The following CSNK1G3 variants were observed in gnomAD, a reference collection of about 807,000 sequenced individuals.
CSNK1G3 encodes casein kinase I isoform gamma-3.
Under a neutral mutation model 64.3 loss-of-function variants are expected in CSNK1G3, and 23 were observed. The ratio of observed to expected loss-of-function variants is 0.36; its 90% CI spans 0.26 to 0.51. CSNK1G3 has a LOEUF of 0.51. CSNK1G3 is among the 20% of genes least tolerant of loss of function. The probability of loss-of-function intolerance (pLI) is 0.96; values close to 1 mark genes in which losing one functional copy is unlikely to be tolerated. For synonymous variants in CSNK1G3, 158 were observed against 162.2 expected (o/e 0.97, Z 0.20); for missense variants, 357 against 510.5 (o/e 0.70, Z 2.90).
intron 1 of CSNK1G3, among the ~76,000 whole-genome samples, chr5:123,534,843 A>C (rs1561471114): frequency 1.3e-5 from 2 of 152,108 alleles, no homozygotes; most frequent in Admixed American, 1.3e-4. Flanking sequence ...TAAACCTCTA[A>C]GATTTTAATA....
Position 123,605,475 on chromosome 5 carries a change from G to A in CSNK1G3, c.1217+113G>A, listed in dbSNP as rs1456367149. 6.2e-6 allele frequency: 7 copies of A among 1,133,184 alleles called. No individual in the cohort carries two copies. The East Asian group carries it at 1.4e-4, about 23-fold the overall frequency. The allele number at this position is 1,133,184 out of a possible 1,614,324, so 70.2% of individuals were successfully genotyped here. ...ACTCTCAACACAGTGATTATAATTGGTAAAAGTTATTCAAAAGTATTTGAT... is the reference window on the plus strand; with the variant it reads ...ACTCTCAACACAGTGATTATAATTGATAAAAGTTATTCAAAAGTATTTGAT... On this transcript the variant is annotated intron_variant, in intron 12 of 12. Transcript: ENST00000345990.
intron 1 of CSNK1G3, among the ~76,000 whole-genome samples, chr5:123,522,159 T>G (rs1778220559): frequency 6.6e-6 from 1 of 152,156 alleles, no homozygotes. Flanking sequence ...AAGTAGTGGC[T>G]TCTGCTCATA....
intron 10 of CSNK1G3, among the ~76,000 whole-genome samples, chr5:123,593,281 G>A (rs1160942542): frequency 1.3e-5 from 2 of 151,080 alleles, no homozygotes; most frequent in Admixed American, 1.3e-4. Flanking sequence ...ATTGAATTTG[G>A]GATGTGAATA....
intron 6 of CSNK1G3, among the ~76,000 whole-genome samples, chr5:123,576,256 C>A (rs188298754): frequency 2.0e-4 from 30 of 152,164 alleles, no homozygotes; most frequent in Middle Eastern, 6.8e-3. Context: ...TTAATCATTT[C>A]TCTTACAAAA....
chr5:123,590,649 T>C (rs1290734839), intron 9 of CSNK1G3, 91 bp downstream of exon 9: 9 of 811,136 alleles, frequency 1.1e-5, no homozygotes, highest in Non-Finnish European at 1.4e-5. Context: ...TGAGAACAAA[T>C]AGTTGTTTTA....
chr5:123,566,316 A>G (rs1273248882), intron 4 of CSNK1G3, among the ~76,000 whole-genome samples: 2 of 152,232 alleles, frequency 1.3e-5, no homozygotes, highest in African/African-American at 4.8e-5. Flanking sequence ...TTTTCTTGGG[A>G]AAAAATAAAC....
At chr5:123,520,885 T>C (rs1490034850) in intron 1 of CSNK1G3, among the ~76,000 whole-genome samples, 2 of 152,124 alleles carry the variant, frequency 1.3e-5, no homozygotes, top group Non-Finnish European at 2.9e-5. Flanking sequence ...TTTTTTTTCT[T>C]TACACCCACT....
At chr5:123,589,575 G>A (rs1034911615) in intron 8 of CSNK1G3, among the ~76,000 whole-genome samples, 1 of 151,974 alleles carries the variant, frequency 6.6e-6, no homozygotes, top group Non-Finnish European at 1.5e-5. Flanking sequence ...CTGTTGGCTG[G>A]GGCTGCCTGT....
intron 1 of CSNK1G3, among the ~76,000 whole-genome samples, chr5:123,540,707 A>G (rs1781542757): frequency 6.6e-6 from 1 of 152,122 alleles, no homozygotes. Context: ...ATCTTTGCTC[A>G]TTGCAACCTC....
At chr5:123,575,242 T>A (rs1456609666) in intron 5 of CSNK1G3, among the ~76,000 whole-genome samples, 1 of 152,188 alleles carries the variant, frequency 6.6e-6, no homozygotes, top group East Asian at 1.9e-4. Context: ...AAAGGAAACA[T>A]GTTATGAAAA....
At chr5:123,529,885 T>A (rs903132271) in intron 1 of CSNK1G3, among the ~76,000 whole-genome samples, 1 of 152,002 alleles carries the variant, frequency 6.6e-6, no homozygotes, top group Non-Finnish European at 1.5e-5. Flanking sequence ...CATACTTACA[T>A]GAGCACTTTG....
chr5:123,607,924 A>G (rs1017777685), intron 12 of CSNK1G3, among the ~76,000 whole-genome samples: 2 of 152,066 alleles, frequency 1.3e-5, no homozygotes, highest in African/African-American at 2.4e-5. Context: ...TGTGTTCCTC[A>G]TACCCTCTTA....
chr5:123,575,437 A>G (rs1443430975), intron 5 of CSNK1G3, among the ~76,000 whole-genome samples: 1 of 152,164 alleles, frequency 6.6e-6, no homozygotes, highest in Non-Finnish European at 1.5e-5. Flanking sequence ...TTTTGATTTT[A>G]TGAAGTAGCA....
chr5:123,549,470 C>T (rs897334483), intron 2 of CSNK1G3, among the ~76,000 whole-genome samples: 3 of 152,194 alleles, frequency 2.0e-5, no homozygotes, highest in Non-Finnish European at 4.4e-5. Flanking sequence ...CTGGCCCATA[C>T]ACCCAAGAGG....
At chr5:123,528,270 G>A (rs1056007084) in intron 1 of CSNK1G3, among the ~76,000 whole-genome samples, 6 of 152,050 alleles carry the variant, frequency 3.9e-5, no homozygotes, top group African/African-American at 1.4e-4. Context: ...TATTCCACCT[G>A]TAGTATCTCT....
At chr5:123,566,076 A>T (rs1786814393) in intron 4 of CSNK1G3, among the ~76,000 whole-genome samples, 1 of 152,334 alleles carries the variant, frequency 6.6e-6, no homozygotes, top group African/African-American at 2.4e-5. Context: ...TTAATGGTCT[A>T]CTTAACTAAT....
At chr5:123,526,840 T>TTGTGTGTGTGTGTG (rs34275675) in intron 1 of CSNK1G3, among the ~76,000 whole-genome samples, 2 of 126,678 alleles carry the variant, frequency 1.6e-5, no homozygotes, top group African/African-American at 3.1e-5. Flanking sequence ...CATGTACAGA[T>TTGTGTGTGTGTGTG]TGTGTGTGTG....
chr5:123,569,772 C>T (rs1787701799), intron 4 of CSNK1G3, among the ~76,000 whole-genome samples: 1 of 147,530 alleles, frequency 6.8e-6, no homozygotes, highest in South Asian at 2.2e-4. Context: ...TGTTTTGCTT[C>T]GTTGTACTCT....
chr5:123,606,619 T>C lies in CSNK1G3; in HGVS notation c.1217+1257T>C, dbSNP rs1203911692. ...TACTCAATAGCTATTATCACCCCTA[T>C]TTATTTCTTCTCTTCCAACTGCTGG... On this transcript the variant is annotated intron_variant, in intron 12 of 12. Transcript: ENST00000345990. Among the ~76,000 whole-genome samples, 3 of 152,270 alleles carry C rather than the reference T, an allele frequency of 2.0e-5. No individual in the cohort carries two copies. The East Asian group carries it at 5.8e-4, about 29-fold the overall frequency.
Sources: allele counts gnomAD v4.1 joint callset (sites outside exome capture counted in the v4.1 genomes callset), GRCh38; gene constraint gnomAD v4.1.1; transcripts MANE v1.5; gene names NCBI Gene and HGNC (gene_info 2026-07-23, HGNC 2026-07-21).